Variants in SLC35F3 observed in about 807,000 individuals in gnomAD.
The protein encoded by SLC35F3 is putative thiamine transporter SLC35F3.
In SLC35F3, 25 loss-of-function variants were observed where a neutral mutation model predicts 49.9. The ratio of observed to expected loss-of-function variants is 0.50; its 90% CI spans 0.37 to 0.70. The LOEUF (loss-of-function observed/expected upper bound fraction) is 0.70. Ranked by LOEUF, SLC35F3 falls within the 30% of genes least tolerant of loss-of-function variation. The probability of loss-of-function intolerance (pLI) is 0.00; values close to 1 mark genes in which losing one functional copy is unlikely to be tolerated. For synonymous variants in SLC35F3, 275 were observed against 265.4 expected (o/e 1.04, Z -0.35); for missense variants, 525 against 639.8 (o/e 0.82, Z 1.94).
At chr1:234,191,706 A>G (rs1666732834) in intron 2 of SLC35F3, among the ~76,000 whole-genome samples, 1 of 152,182 alleles carries the variant, frequency 6.6e-6, no homozygotes, top group Non-Finnish European at 1.5e-5. Flanking sequence ...GACCATTAGA[A>G]AGATTAACCA....
At position 234,323,547 on chromosome 1, in the gene SLC35F3, A is replaced by G. The variant is rs1657683675; in HGVS notation, c.*304A>G. 2 of 411,582 alleles carry G rather than the reference A, an allele frequency of 4.9e-6. No homozygotes were observed. Among genetic ancestry groups the G allele is most frequent in the Non-Finnish European group, 8.8e-6 (2 of 226,958 alleles). The allele number at this position is 411,582 out of a possible 1,614,324, so 25.5% of individuals were successfully genotyped here. On this transcript the variant is annotated 3_prime_UTR_variant, in exon 8 of 8. Coordinates refer to ENST00000366618, the MANE Select transcript of SLC35F3 (RefSeq NM_173508.4). This position sits in a 1 kb window ranked among gnomAD's most constrained non-coding sequence, Gnocchi z 4.5. ...TGACGTTCTTGACAAGCCAGCCATC[A>G]GGGCAAGTGTTTTGAATCTTAGCAA...
chr1:234,152,992 T>C (rs960721430), intron 2 of SLC35F3, among the ~76,000 whole-genome samples: 2 of 152,222 alleles, frequency 1.3e-5, no homozygotes, highest in Non-Finnish European at 2.9e-5. Flanking sequence ...TGATGAACTT[T>C]TTTTCATATG....
At chr1:233,956,627 A>G (rs1662708852) in intron 2 of SLC35F3, among the ~76,000 whole-genome samples, 1 of 152,338 alleles carries the variant, frequency 6.6e-6, no homozygotes, top group East Asian at 1.9e-4. Flanking sequence ...AGAGGGAAAG[A>G]GGGCAACAGG....
At position 234,320,032 on chromosome 1, in the gene SLC35F3, G is replaced by T; in HGVS notation, c.1148-66G>T. 8.8e-7 allele frequency: 1 copy of T among 1,137,720 alleles called. No individual in the cohort carries two copies. The allele number at this position is 1,137,720 out of a possible 1,614,324, so 70.5% of individuals were successfully genotyped here. On this transcript the variant is annotated intron_variant, in intron 6 of 7. Coordinates refer to ENST00000366618, the MANE Select transcript of SLC35F3 (RefSeq NM_173508.4). This position sits in a 1 kb window ranked among gnomAD's most constrained non-coding sequence, Gnocchi z 4.8. ...CATCAGGAAAACCTGGGTCAGATAG[G>T]CCAGCAGGGAGGTAAAGTACACAGC...
chr1:234,215,445 C>T (rs1207513081), intron 2 of SLC35F3, among the ~76,000 whole-genome samples: 1 of 152,190 alleles, frequency 6.6e-6, no homozygotes, highest in Non-Finnish European at 1.5e-5. Context: ...GGTGGAATGA[C>T]TAACTCCCTC....
chr1:233,957,377 G>T lies in SLC35F3; in HGVS notation c.283+51619G>T, dbSNP rs186535684. On this transcript the variant is annotated intron_variant, in intron 2 of 7. Coordinates refer to ENST00000366618, the MANE Select transcript of SLC35F3 (RefSeq NM_173508.4). This position sits in a 1 kb window ranked among gnomAD's most constrained non-coding sequence, Gnocchi z 4.0. ...ACTGATGCGCTACTCAGTTCATCAG[G>T]GTGTGGGCTCTGTCACCTTTGTAGC... is the stretch of plus-strand genomic sequence containing the variant. 1.9e-3 allele frequency among the ~76,000 whole-genome samples: 295 copies of T among 152,180 alleles called. 1 individual carries two copies. Among genetic ancestry groups the T allele is most frequent in the African/African-American group, 6.6e-3 (274 of 41,514 alleles).
chr1:234,134,040 G>A (rs1012656927), intron 2 of SLC35F3, among the ~76,000 whole-genome samples: 1 of 152,172 alleles, frequency 6.6e-6, no homozygotes, highest in African/African-American at 2.4e-5. Flanking sequence ...ATATGTCAGA[G>A]AAGTACATGA....
At chr1:233,927,628 C>G (rs1336097330) in intron 2 of SLC35F3, among the ~76,000 whole-genome samples, 6 of 151,848 alleles carry the variant, frequency 4.0e-5, no homozygotes, top group Admixed American at 6.6e-5. Context: ...AAATTTTAAC[C>G]CAATTCAGAA....
intron 3 of SLC35F3, among the ~76,000 whole-genome samples, chr1:234,253,629 C>G (rs1423790477): frequency 6.6e-6 from 1 of 151,978 alleles, no homozygotes; most frequent in African/African-American, 2.4e-5. Context: ...AAAAAAACAG[C>G]AACAACTAGA....
chr1:234,299,531 C>T lies in SLC35F3; in HGVS notation c.609-9570C>T, dbSNP rs542589160. ...ATAAAAAGTAACAAAGCAGGCCAGG[C>T]GTGGTGGCTCACACCTGTAATCCCA... is the stretch of plus-strand genomic sequence containing the variant. On this transcript the variant is annotated intron_variant, in intron 3 of 7. Transcript: ENST00000366618. 8.5e-5 allele frequency among the ~76,000 whole-genome samples: 13 copies of T among 152,200 alleles called. No individual in the cohort carries two copies. In the East Asian group the frequency reaches 1.7e-3, roughly 20 times the overall value.
At chr1:234,268,127 G>C (rs1180285740) in intron 3 of SLC35F3, among the ~76,000 whole-genome samples, 3 of 152,106 alleles carry the variant, frequency 2.0e-5, no homozygotes, top group Admixed American at 2.0e-4. Flanking sequence ...AGGTTGTAGC[G>C]AGCCGAGATC....
chr1:234,170,574 A>G (rs1313640505), intron 2 of SLC35F3, among the ~76,000 whole-genome samples: 2 of 151,356 alleles, frequency 1.3e-5, no homozygotes, highest in African/African-American at 4.9e-5. Context: ...GAAGCAAACG[A>G]CTCATCTCCC....
At position 234,214,635 on chromosome 1, in the gene SLC35F3, C is replaced by A; in HGVS notation, c.284-16782C>A. 6.7e-7 allele frequency: 1 copy of A among 1,488,686 alleles called. No individual in the cohort carries two copies. Among genetic ancestry groups the A allele is most frequent in the Non-Finnish European group, 9.0e-7 (1 of 1,115,622 alleles). 92.2% of individuals were successfully genotyped at this position (1,488,686 alleles called of 1,614,324 possible). Reference sequence around the variant, plus strand: ...ACCCTAGCCGGGGAATGCTGCCACCCTGAGGGGGGCTGTCTGGCTGCGGGG... The same window carrying A: ...ACCCTAGCCGGGGAATGCTGCCACCATGAGGGGGGCTGTCTGGCTGCGGGG... On this transcript the variant is annotated intron_variant, in intron 2 of 7. Coordinates refer to ENST00000366618, the MANE Select transcript of SLC35F3 (RefSeq NM_173508.4). The surrounding 1 kb of genome is among the most constrained non-coding windows in gnomAD (Gnocchi z 8.0).
At chr1:234,102,756 G>A (rs1406703948) in intron 2 of SLC35F3, among the ~76,000 whole-genome samples, 1 of 152,182 alleles carries the variant, frequency 6.6e-6, no homozygotes, top group Non-Finnish European at 1.5e-5. Flanking sequence ...CAAGAGTCTA[G>A]CTGCCCAAGC....
intron 2 of SLC35F3, among the ~76,000 whole-genome samples, chr1:234,108,551 A>G (rs1162444808): frequency 8.8e-6 from 1 of 113,338 alleles, no homozygotes; most frequent in African/African-American, 3.5e-5. Flanking sequence ...TATATTATTT[A>G]TATATAAAAG....
chr1:233,947,419 C>CA (rs991508881), intron 2 of SLC35F3, among the ~76,000 whole-genome samples: 2 of 150,234 alleles, frequency 1.3e-5, no homozygotes, highest in African/African-American at 4.9e-5. Context: ...GGCTGAGAGC[C>CA]AAAAAAAGAG....
Position 234,072,058 on chromosome 1 carries a change from A to G in SLC35F3, c.284-159359A>G, listed in dbSNP as rs77053762. Among the ~76,000 whole-genome samples the G allele has an allele frequency of 1.1e-3, 167 of 152,388 alleles. No homozygotes were observed. In the East Asian group the frequency reaches 0.029, roughly 26 times the overall value. ...AATAACTGTTTTTAGAGTCAGATTT[A>G]TGTAAGTGACTACTGAAATTAATTC... On this transcript the variant is annotated intron_variant, in intron 2 of 7. Transcript: ENST00000366618.
At chr1:234,147,555 GA>G (rs1666017423) in intron 2 of SLC35F3, among the ~76,000 whole-genome samples, 1 of 152,064 alleles carries the variant, frequency 6.6e-6, no homozygotes, top group Admixed American at 6.5e-5. Flanking sequence ...CCTCAGTTAT[GA>G]AGTTATTTTG....
intron 3 of SLC35F3, among the ~76,000 whole-genome samples, chr1:234,289,886 AAAC>A (rs1293068488): frequency 6.6e-6 from 1 of 152,266 alleles, no homozygotes; most frequent in Non-Finnish European, 1.5e-5. Flanking sequence ...GAAAGTTAGC[AAAC>A]AACAACAAAT....
Sources: gnomAD v4.1 joint callset for allele counts (sites outside exome capture counted in the v4.1 genomes callset) on GRCh38, gnomAD v4.1.1 for gene constraint, Gnocchi (gnomAD v3.1) non-coding constraint, MANE v1.5 for transcripts, NCBI Gene and HGNC (gene_info 2026-07-23, HGNC 2026-07-21) for gene names.